MBP: variants seen among roughly 807,000 people sequenced by gnomAD.
The protein encoded by MBP is Golli-MBP.
Under a neutral mutation model 35.8 loss-of-function variants are expected in MBP, and 16 were observed. That is an observed-to-expected ratio of 0.45 (90% CI 0.30 to 0.68). The LOEUF (loss-of-function observed/expected upper bound fraction) is 0.68, where lower values mean the gene tolerates loss of function less well. Among genes scored for constraint, MBP ranks in the 30% least tolerant of loss-of-function variants. The probability of loss-of-function intolerance (pLI) is 0.08; values close to 1 mark genes in which losing one functional copy is unlikely to be tolerated. For missense variants in MBP, 380 were observed against 404.7 expected, an observed-to-expected ratio of 0.94 and a Z score of 0.52; for synonymous variants, 143 against 159.6, an observed-to-expected ratio of 0.90 and a Z score of 0.78.
At chr18:76,990,091 C>A (rs1197574615) in intron 4 of MBP, 31 bp from the exon 5 acceptor site, 1 of 1,478,724 alleles carries the variant, frequency 6.8e-7, no homozygotes, top group Non-Finnish European at 9.4e-7. Context: ...GACCTCAGGA[C>A]AAGTCCACAG....
chr18:76,997,610 C>G (rs977010404), intron 4 of MBP, among the ~76,000 whole-genome samples: 10 of 152,208 alleles, frequency 6.6e-5, no homozygotes, highest in African/African-American at 2.4e-4. Context: ...CCCAGGAGCA[C>G]GCCTCGGTGT....
chr18:77,087,865 G>A (rs1276049700), intron 2 of MBP, among the ~76,000 whole-genome samples: 1 of 152,124 alleles, frequency 6.6e-6, no homozygotes, highest in Non-Finnish European at 1.5e-5. Flanking sequence ...CCACTTGCGC[G>A]CTCCTGCTGC....
At position 76,979,959 on chromosome 18, in the gene MBP, A is replaced by G. The variant is rs989623342; in HGVS notation, c.*468T>C. 1.4e-6 allele frequency: 1 copy of G among 702,396 alleles called. No individual in the cohort carries two copies. The highest frequency in any genetic ancestry group is 1.7e-5 in the African/African-American group (1 of 57,182). The allele number at this position is 702,396 out of a possible 1,614,324, so 43.5% of individuals were successfully genotyped here. A position where few individuals can be genotyped will look rare whatever the true frequency, so the allele number is the denominator to read the frequency against. ...CTACTTTAGGAGGTGAGAGAAGGAC[A>G]GGAAAAAAAAACAAAGGAAGCTTGG... On this transcript the variant is annotated 3_prime_UTR_variant, in exon 9 of 9. Transcript: ENST00000355994.
intron 2 of MBP, among the ~76,000 whole-genome samples, chr18:77,090,365 A>G (rs1975454928): frequency 6.6e-6 from 1 of 151,104 alleles, no homozygotes; most frequent in African/African-American, 2.5e-5. Context: ...ACGTGTCCAT[A>G]CCAAACAACA....
At chr18:77,001,266 G>A (rs1031860193) in intron 4 of MBP, among the ~76,000 whole-genome samples, 1 of 152,188 alleles carries the variant, frequency 6.6e-6, no homozygotes, top group African/African-American at 2.4e-5. Context: ...GGGGTTCCTC[G>A]CCTGCCATCC....
intron 1 of MBP, among the ~76,000 whole-genome samples, chr18:77,128,587 G>A (rs923492159): frequency 6.6e-6 from 1 of 151,950 alleles, no homozygotes; most frequent in Non-Finnish European, 1.5e-5. Context: ...TAAACTGGTG[G>A]AATCTGAAAT....
intron 1 of MBP, among the ~76,000 whole-genome samples, chr18:77,111,214 C>G (rs1378113154): frequency 2.0e-5 from 3 of 152,190 alleles, no homozygotes; most frequent in African/African-American, 7.2e-5. Context: ...ACCGAGGAGC[C>G]CAGTGCTCAT....
chr18:77,026,706 A>C (rs1434790255), intron 3 of MBP, among the ~76,000 whole-genome samples: 1 of 152,160 alleles, frequency 6.6e-6, no homozygotes, highest in Non-Finnish European at 1.5e-5. Flanking sequence ...TCTTTACAAA[A>C]AAAATTAAAA....
intron 4 of MBP, chr18:77,004,551 G>T (rs1970812785): frequency 6.6e-6 from 1 of 152,166 alleles, no homozygotes; most frequent in Non-Finnish European, 1.5e-5. Flanking sequence ...TTTACAGAAA[G>T]CTGTGCACCA....
chr18:77,120,475 G>A (rs1403246270), intron 1 of MBP, among the ~76,000 whole-genome samples: 1 of 152,222 alleles, frequency 6.6e-6, no homozygotes, highest in Non-Finnish European at 1.5e-5. Context: ...CCCAGGCGCT[G>A]ATTTGGGCCT....
intron 1 of MBP, among the ~76,000 whole-genome samples, chr18:77,119,946 C>T (rs558242249): frequency 8.5e-5 from 13 of 152,278 alleles, no homozygotes; most frequent in Admixed American, 2.0e-4. Flanking sequence ...GAGGCCTGGG[C>T]GCAGTGGGAG....
chr18:77,059,959 AATAAAG>A (rs1350737263), intron 3 of MBP, among the ~76,000 whole-genome samples: 14 of 152,218 alleles, frequency 9.2e-5, no homozygotes, highest in Non-Finnish European at 1.8e-4. Context: ...GTAAAGTAAA[AATAAAG>A]GCCCTAGCCC....
chr18:77,013,402 G>T (rs1352085635), intron 4 of MBP: 5 of 985,278 alleles, frequency 5.1e-6, no homozygotes, highest in Non-Finnish European at 6.0e-6. Context: ...CGCCCCATGG[G>T]ATTACAGAAC....
chr18:77,077,822 AT>A (rs1186148794), intron 2 of MBP, among the ~76,000 whole-genome samples: 1 of 152,254 alleles, frequency 6.6e-6, no homozygotes, highest in East Asian at 1.9e-4. Flanking sequence ...AATAAGGCAC[AT>A]TATAGAATCT....
At chr18:77,091,706 G>A (rs1238274422) in intron 2 of MBP, among the ~76,000 whole-genome samples, 2 of 149,742 alleles carry the variant, frequency 1.3e-5, no homozygotes, top group Admixed American at 6.6e-5. Flanking sequence ...CACCATACAT[G>A]CAAACACACC....
chr18:77,069,917 G>T (rs947666896), intron 2 of MBP, among the ~76,000 whole-genome samples: 4 of 152,130 alleles, frequency 2.6e-5, no homozygotes, highest in African/African-American at 9.7e-5. Flanking sequence ...TTCTCTGATG[G>T]TTCAACATCT....
At chr18:77,121,327 T>A (rs201717285) in intron 1 of MBP, among the ~76,000 whole-genome samples, 4 of 102,230 alleles carry the variant, frequency 3.9e-5, no homozygotes, top group Non-Finnish European at 8.2e-5. Flanking sequence ...AAAAAATAAA[T>A]AAATAAGATT....
In MBP at chr18:77,101,140, G is replaced by T. The variant is rs886818819; in HGVS notation, c.51+4071C>A. On this transcript the variant is annotated intron_variant, in intron 2 of 8. Coordinates refer to ENST00000355994, the MANE Select transcript of MBP (RefSeq NM_001025101.2). The surrounding 1 kb of genome is among the most constrained non-coding windows in gnomAD (Gnocchi z 4.3). ...CTAAGGACCAAGGACTGCCAGGCAG[G>T]CAAAGACTGCCTAAGACAGGGCATC... 3.9e-5 allele frequency among the ~76,000 whole-genome samples: 6 copies of T among 152,230 alleles called. No homozygotes were observed. The highest frequency in any genetic ancestry group is 1.4e-4 in the African/African-American group (6 of 41,456).
intron 3 of MBP, among the ~76,000 whole-genome samples, chr18:77,059,619 A>G (rs984724919): frequency 2.0e-5 from 3 of 152,140 alleles, no homozygotes; most frequent in East Asian, 1.9e-4. Context: ...TGCTTAAAAA[A>G]TCAGGGGAAT....
Sources: allele counts gnomAD v4.1 joint callset (sites outside exome capture counted in the v4.1 genomes callset), GRCh38; gene constraint gnomAD v4.1.1; non-coding constraint Gnocchi (gnomAD v3.1); transcripts MANE v1.5; gene names NCBI Gene and HGNC (gene_info 2026-07-23, HGNC 2026-07-21).